TNPO2: variants seen among roughly 807,000 people sequenced by gnomAD.
TNPO2 encodes transportin 2.
A neutral mutation model predicts 111.1 loss-of-function variants in TNPO2; 16 were observed. The observed-to-expected ratio is 0.14, with a 90% CI of 0.10 to 0.22. The LOEUF (loss-of-function observed/expected upper bound fraction) is 0.22. Among genes scored for constraint, TNPO2 ranks in the 10% least tolerant of loss-of-function variants. The pLI, the probability that TNPO2 is intolerant of heterozygous loss-of-function variation, is 1.00. For synonymous variants in TNPO2, 481 were observed against 475.8 expected (o/e 1.01, Z -0.14); for missense variants, 530 against 1,173.7 (o/e 0.45, Z 8.01).
At position 12,710,733 on chromosome 19, in the gene TNPO2, G is replaced by A; in HGVS notation, c.1158C>T (p.Val386=). ...GGTGGGGCAGCAGTTCCTCCCGGAA[G>A]ACATTGGCGAGGACGTCCAGTGCAG... ...SAAALDVLAN[V]FREELLPHLL... The change falls in exon 13 of 26, where the codon GTC becomes GTT. Residue 386 remains valine (V), a synonymous_variant. Coordinates refer to ENST00000425528, the MANE Select transcript of TNPO2 (RefSeq NM_001382241.1). The A allele has an allele frequency of 6.2e-7, 1 of 1,613,410 alleles. No individual in the cohort carries two copies. Among genetic ancestry groups the A allele is most frequent in the Non-Finnish European group, 8.5e-7 (1 of 1,179,676 alleles).
Position 12,702,723 on chromosome 19 carries a change from T to C in TNPO2, c.2305+100A>G. ...TCCAGGTACTTCCAGACACCCTCCT[T>C]GGTTCCTTGACAAGGCTCTTTCTGA... is the stretch of plus-strand genomic sequence containing the variant. On this transcript the variant is annotated intron_variant, in intron 21 of 25. Coordinates refer to ENST00000425528, the MANE Select transcript of TNPO2 (RefSeq NM_001382241.1). This position sits in a 1 kb window ranked among gnomAD's most constrained non-coding sequence, Gnocchi z 5.5. 1 of 1,081,822 alleles carries C rather than the reference T, an allele frequency of 9.2e-7. No homozygotes were observed. Among genetic ancestry groups the C allele is most frequent in the Admixed American group, 1.9e-5 (1 of 54,048 alleles). 67.0% of individuals were successfully genotyped at this position (1,081,822 alleles called of 1,614,324 possible).
Position 12,699,248 on chromosome 19 carries a change from T to A in TNPO2, c.*2016A>T, listed in dbSNP as rs565419609. On this transcript the variant is annotated 3_prime_UTR_variant, in exon 26 of 26. Transcript: ENST00000425528. ...TCAACAAAGTTCTACACAAGTGGAA[T>A]CTCACGCCACCTCGGCGCCAATCCC... 3 of 443,804 alleles carry A rather than the reference T, an allele frequency of 6.8e-6. No homozygotes were observed. Among genetic ancestry groups the A allele is most frequent in the Non-Finnish European group, 1.4e-5 (3 of 221,470 alleles). The allele number at this position is 443,804 out of a possible 1,614,324, so 27.5% of individuals were successfully genotyped here.
In TNPO2 at chr19:12,702,953, C is replaced by A; in HGVS notation, c.2210-35G>T. On this transcript the variant is annotated intron_variant, in intron 20 of 25. Coordinates refer to ENST00000425528, the MANE Select transcript of TNPO2 (RefSeq NM_001382241.1). The surrounding 1 kb of genome is among the most constrained non-coding windows in gnomAD (Gnocchi z 5.5). ...CACCCAGTCAGAGCCCTGCACAGCCCCCGCCACCCACAGGGGCCAGGGGGC... is the reference window on the plus strand; with the variant it reads ...CACCCAGTCAGAGCCCTGCACAGCCACCGCCACCCACAGGGGCCAGGGGGC... 1.2e-6 allele frequency: 2 copies of A among 1,601,414 alleles called. No homozygotes were observed. The highest frequency in any genetic ancestry group is 1.7e-6 in the Non-Finnish European group (2 of 1,169,676).
chr19:12,706,770 G>A lies in TNPO2; in HGVS notation c.1296C>T (p.Tyr432=). 1 of 1,611,368 alleles carries A rather than the reference G, an allele frequency of 6.2e-7. No homozygotes were observed. The highest frequency in any genetic ancestry group is 1.7e-5 in the Admixed American group (1 of 59,602). Residue 432 remains tyrosine, a synonymous_variant, in exon 14 of 26, where the codon TAC becomes TAT. Coordinates refer to ENST00000425528, the MANE Select transcript of TNPO2 (RefSeq NM_001382241.1). The surrounding 1 kb of genome is among the most constrained non-coding windows in gnomAD (Gnocchi z 7.0). ...AEGCMQGMVP[Y]LPELIPHLIQ... is the part of the protein sequence containing the mutation. ...TCAGGTGCGGGATCAGCTCAGGCAG[G>A]TAGGGCACCATGCCCTGCATGCAGC...
chr19:12,714,334 A>G (rs1262632487), intron 10 of TNPO2, among the ~76,000 whole-genome samples: 1 of 144,254 alleles, frequency 6.9e-6, no homozygotes, highest in Non-Finnish European at 1.5e-5. Flanking sequence ...TTTTTTTGAG[A>G]CGGAGTTTTG....
intron 11 of TNPO2, 38 bp downstream of exon 11, chr19:12,711,515 C>T (rs766059409): frequency 9.9e-6 from 16 of 1,613,782 alleles, no homozygotes; most frequent in East Asian, 4.5e-5. Flanking sequence ...GCGACACCCA[C>T]GCCCATGCCC....
At position 12,706,712 on chromosome 19, in the gene TNPO2, G is replaced by A; in HGVS notation, c.1354C>T (p.Arg452Cys). The change falls in exon 14 of 26, where the codon CGC becomes TGC. Residue 452 changes from arginine to cysteine, a missense_variant. Transcript: ENST00000425528. The surrounding 1 kb of genome is among the most constrained non-coding windows in gnomAD (Gnocchi z 7.0). ...QCLSDKKALV[R>C]SIACWTLSRY... ...CTCAGCGTCCAGCAGGCGATGGAGCGGACCAAGGCCTTCTTATCCGACAGG... is the reference window on the plus strand; with the variant it reads ...CTCAGCGTCCAGCAGGCGATGGAGCAGACCAAGGCCTTCTTATCCGACAGG... 6.2e-7 allele frequency: 1 copy of A among 1,613,756 alleles called. No homozygotes were observed. Among genetic ancestry groups the A allele is most frequent in the Non-Finnish European group, 8.5e-7 (1 of 1,179,834 alleles).
In TNPO2 at chr19:12,710,674, G is replaced by T. The variant is rs540927121; in HGVS notation, c.1217C>A (p.Pro406His). The change falls in exon 13 of 26, where the codon CCC becomes CAC. Residue 406 changes from proline to histidine, a missense_variant. Physicochemically the swap from Pro to His is moderately conservative, Grantham distance 77 (BLOSUM62 -2). This residue lies in a region of TNPO2 where 88 missense variants were observed against 130.2 expected (regional missense o/e 0.68). Transcript: ENST00000425528. ...GCCCGACTCCTTGACCACCCACTCG[G>T]GGTGGAAGAGGAGGCCTTTGAGTAG... ...LPLLKGLLFH[P>H]EWVVKESGIL... The T allele has an allele frequency of 3.8e-5, 61 of 1,613,670 alleles. No homozygotes were observed. The South Asian group carries it at 5.8e-4, about 15-fold the overall frequency.
chr19:12,711,583 C>T lies in TNPO2; in HGVS notation c.921G>A (p.Lys307=), dbSNP rs1568335981. The change falls in exon 11 of 26, where the codon AAG becomes AAA. Residue 307 remains lysine (K), a synonymous_variant. Transcript: ENST00000425528. ...QLIPILVNGM[K]YSEIDIILLK... ...GCAGGATGATGTCAATTTCCGAGTA[C>T]TTCATCCCATTCACCAAGATGGGGA... 1.9e-6 allele frequency: 3 copies of T among 1,613,882 alleles called. No individual in the cohort carries two copies. The highest frequency in any genetic ancestry group is 2.5e-6 in the Non-Finnish European group (3 of 1,179,846).
At position 12,700,140 on chromosome 19, in the gene TNPO2, T is replaced by C. The variant is rs2025204138; in HGVS notation, c.*1124A>G. 1 of 152,112 alleles carries C rather than the reference T, an allele frequency of 6.6e-6. No homozygotes were observed. Among genetic ancestry groups the C allele is most frequent in the Non-Finnish European group, 1.5e-5 (1 of 68,028 alleles). The allele number at this position is 152,112 out of a possible 1,614,324, so 9.4% of individuals were successfully genotyped here. On this transcript the variant is annotated 3_prime_UTR_variant, in exon 26 of 26. Transcript: ENST00000425528. ...AGCAGGAAGTCCCAGGGAGATGGAATAGGGAACAGGGGACACACCACCTTT... is the reference window on the plus strand; with the variant it reads ...AGCAGGAAGTCCCAGGGAGATGGAACAGGGAACAGGGGACACACCACCTTT...
intron 5 of TNPO2, among the ~76,000 whole-genome samples, chr19:12,717,305 TC>T (rs1178976472): frequency 1.4e-5 from 2 of 144,076 alleles, no homozygotes; most frequent in African/African-American, 5.2e-5. Context: ...GGAGTCTCAC[TC>T]TGTAGTCCAG....
In TNPO2 at chr19:12,706,244, G is replaced by A. The variant is rs374981619; in HGVS notation, c.1620C>T (p.Asp540=). The change falls in exon 15 of 26, where the codon GAC becomes GAT. Residue 540 remains aspartate (D), a synonymous_variant. Coordinates refer to ENST00000425528, the MANE Select transcript of TNPO2 (RefSeq NM_001382241.1). This position sits in a 1 kb window ranked among gnomAD's most constrained non-coding sequence, Gnocchi z 7.0. ...YQHKNLLILY[D]AIGTLADSVG... ...CAGAGTCGGCCAGGGTGCCAATGGC[G>A]TCATAGAGGATGAGCAGGTTCTTGT... The A allele has an allele frequency of 1.7e-4, 278 of 1,613,858 alleles. 1 individual carries two copies. Among genetic ancestry groups the A allele is most frequent in the Admixed American group, 2.8e-4 (17 of 59,996 alleles).
chr19:12,703,360 T>C (rs926887649), intron 20 of TNPO2, 68 bp downstream of exon 20: 3 of 1,461,150 alleles, frequency 2.1e-6, no homozygotes, highest in East Asian at 2.3e-5. Context: ...CAGTCAGAGC[T>C]AGGCTCCCGC....
rs1165435460 is a variant in TNPO2, at chr19:12,699,344, G to T, written c.*1920C>A. 5.2e-6 allele frequency: 2 copies of T among 386,792 alleles called. No homozygotes were observed. The highest frequency in any genetic ancestry group is 4.2e-5 in the African/African-American group (2 of 47,230). 24.0% of individuals were successfully genotyped at this position (386,792 alleles called of 1,614,324 possible). A position where few individuals can be genotyped will look rare whatever the true frequency, so the allele number is the denominator to read the frequency against. On this transcript the variant is annotated 3_prime_UTR_variant, in exon 26 of 26. Coordinates refer to ENST00000425528, the MANE Select transcript of TNPO2 (RefSeq NM_001382241.1). ...GGAAGAGGGTGAGGAGGGAAAGAGG[G>T]ACTGTGGCTCAAGGCCAGTCTGGGT...
chr19:12,710,648 T>C lies in TNPO2; in HGVS notation c.1243A>G (p.Ile415Val). The C allele has an allele frequency of 6.2e-7, 1 of 1,613,560 alleles. No individual in the cohort carries two copies. Among genetic ancestry groups the C allele is most frequent in the Non-Finnish European group, 8.5e-7 (1 of 1,179,738 alleles). ...TCAGCAATGGCGCCCAGCACCAGGA[T>C]GCCCGACTCCTTGACCACCCACTCG... Reference protein sequence around the residue: ...HPEWVVKESGILVLGAIAEGC... With the variant: ...HPEWVVKESGVLVLGAIAEGC... Residue 415 changes from isoleucine to valine, a missense_variant, in exon 13 of 26, where the codon ATC becomes GTC. By Grantham distance (29) the Ile-to-Val change is conservative (BLOSUM62 3). Transcript: ENST00000425528.
intron 10 of TNPO2, among the ~76,000 whole-genome samples, chr19:12,712,611 CCCTCTCTGCCTCGGCTG>C (rs777950841): frequency 1.2e-3 from 187 of 152,340 alleles, no homozygotes; most frequent in Non-Finnish European, 2.3e-3. Flanking sequence ...TGTCTACTCT[CCCTCTCTGCCTCGGCTG>C]CCAGGCAGGG....
intron 2 of TNPO2, among the ~76,000 whole-genome samples, chr19:12,723,036 T>C (rs1401247066): frequency 6.6e-6 from 1 of 152,154 alleles, no homozygotes; most frequent in Non-Finnish European, 1.5e-5. Context: ...GTGCTCTTTA[T>C]ACCCCAGAGA....
chr19:12,701,915 G>T lies in TNPO2; in HGVS notation c.2412-64C>A, dbSNP rs534568264. On this transcript the variant is annotated intron_variant, in intron 22 of 25. Transcript: ENST00000425528. This position sits in a 1 kb window ranked among gnomAD's most constrained non-coding sequence, Gnocchi z 5.0. ...TGGGCATGCATCTGTGGAGGGCTGG[G>T]TCACTGGGGATCAGTGAGTGGGCCT... is the stretch of plus-strand genomic sequence containing the variant. The T allele has an allele frequency of 1.1e-5, 16 of 1,493,238 alleles. No homozygotes were observed. In the South Asian group the frequency reaches 1.5e-4, roughly 14 times the overall value. The allele number at this position is 1,493,238 out of a possible 1,614,324, so 92.5% of individuals were successfully genotyped here.
At chr19:12,711,963 TATA>T (rs1292296172) in intron 10 of TNPO2, among the ~76,000 whole-genome samples, 1 of 151,934 alleles carries the variant, frequency 6.6e-6, no homozygotes, top group Non-Finnish European at 1.5e-5. Context: ...GCTGTTCCAG[TATA>T]ATAAAATATA....
Sources: gnomAD v4.1 joint callset for allele counts (sites outside exome capture counted in the v4.1 genomes callset) on GRCh38, gnomAD v4.1.1 for gene constraint, gnomAD v4.1.1 regional missense constraint, Gnocchi (gnomAD v3.1) non-coding constraint, MANE v1.5 for transcripts, NCBI Gene and HGNC (gene_info 2026-07-23, HGNC 2026-07-21) for gene names.